The following BRF1 variants were observed in gnomAD, a reference collection of about 807,000 sequenced individuals.
The protein encoded by BRF1 is BRF1 general transcription factor IIIB subunit, also known as transcription factor IIIB 90 kDa subunit.
A neutral mutation model predicts 81.7 loss-of-function variants in BRF1; 59 were observed. The ratio of observed to expected loss-of-function variants is 0.72; its 90% CI spans 0.59 to 0.90. The LOEUF (loss-of-function observed/expected upper bound fraction) is 0.90. Ranked by LOEUF, BRF1 falls within the 40% of genes least tolerant of loss-of-function variation. The pLI is 0.00. For missense variants in BRF1, 1,050 were observed against 936.3 expected (o/e 1.12, Z -1.58); for synonymous variants, 491 against 395.6 (o/e 1.24, Z -2.86).
chr14:105,259,154 CAG>C (rs2056034739), intron 3 of BRF1, among the ~76,000 whole-genome samples: 1 of 151,986 alleles, frequency 6.6e-6, no homozygotes, highest in Non-Finnish European at 1.5e-5. Context: ...GAAATAAAAA[CAG>C]ATGTCAGCCA....
upstream of BRF1, among the ~76,000 whole-genome samples, chr14:105,305,504 A>C (rs1432361325): frequency 6.6e-6 from 1 of 152,220 alleles, no homozygotes; most frequent in Non-Finnish European, 1.5e-5. Context: ...TCTATGAACC[A>C]GGAAGTGGCC....
intron 1 of BRF1, among the ~76,000 whole-genome samples, chr14:105,311,099 C>T (rs1022110625): frequency 6.6e-6 from 1 of 152,064 alleles, no homozygotes; most frequent in African/African-American, 2.4e-5. Flanking sequence ...ATTACAGGCG[C>T]GCACCATCAT....
At chr14:105,306,911 G>A (rs889467551) in intron 1 of BRF1, among the ~76,000 whole-genome samples, 1 of 151,586 alleles carries the variant, frequency 6.6e-6, no homozygotes, top group East Asian at 1.9e-4. Flanking sequence ...AAGCCCCATC[G>A]TGTTCTCATC....
chr14:105,249,146 T>C (rs1227400367), intron 5 of BRF1: 3 of 1,564,888 alleles, frequency 1.9e-6, no homozygotes, highest in Admixed American at 3.6e-5. Flanking sequence ...CCCGTGCCTC[T>C]ACCTTTGCAG....
chr14:105,256,517 C>T lies in BRF1; in HGVS notation c.471+1G>A. ...AAAGATGCAGGACGGAGGCTGTCTA[C>T]CTGGAGCAGGTCGCTGAGGTCCAGG... On this transcript the variant is annotated splice_donor_variant, in intron 4 of 17. Transcript: ENST00000547530. LOFTEE classifies it high-confidence loss of function. The T allele has an allele frequency of 6.2e-7, 1 of 1,614,116 alleles. No individual in the cohort carries two copies. The highest frequency in any genetic ancestry group is 8.5e-7 in the Non-Finnish European group (1 of 1,180,036).
At chr14:105,247,553 C>T in intron 5 of BRF1, 1 of 985,432 alleles carries the variant, frequency 1.0e-6, no homozygotes, top group Middle Eastern at 5.2e-4. Context: ...GAAGAGGACT[C>T]TCCCAGGGAA....
chr14:105,221,418 G>A lies in BRF1; in HGVS notation c.1315+230C>T, dbSNP rs1892267652. Reference sequence around the variant, plus strand: ...TGAAGGCGGTCCCAGTGAGGGTGACGAGACTCACTGCATTCTGGCGTCGGC... The same window carrying A: ...TGAAGGCGGTCCCAGTGAGGGTGACAAGACTCACTGCATTCTGGCGTCGGC... On this transcript the variant is annotated intron_variant, in intron 11 of 17. Transcript: ENST00000547530. Among the ~76,000 whole-genome samples the A allele has an allele frequency of 5.3e-5, 8 of 152,334 alleles. 1 individual carries two copies. In the South Asian group the frequency reaches 1.7e-3, roughly 32 times the overall value.
chr14:105,292,279 G>C (rs968365071), intron 1 of BRF1, among the ~76,000 whole-genome samples: 2 of 152,020 alleles, frequency 1.3e-5, no homozygotes, highest in African/African-American at 4.8e-5. Context: ...CACCTCCCGG[G>C]TTCAAGCGAT....
At chr14:105,283,813 T>C (rs982266910) in intron 2 of BRF1, among the ~76,000 whole-genome samples, 1 of 151,996 alleles carries the variant, frequency 6.6e-6, no homozygotes, top group African/African-American at 2.4e-5. Context: ...ATGGAGAAAA[T>C]CTTGAAGTCA....
At chr14:105,311,885 T>C (rs2058359455) in intron 1 of BRF1, among the ~76,000 whole-genome samples, 1 of 152,204 alleles carries the variant, frequency 6.6e-6, no homozygotes, top group African/African-American at 2.4e-5. Context: ...TGGGAGTGGA[T>C]GCGGCAGGGC....
At chr14:105,260,129 A>T (rs1182305520) in intron 3 of BRF1, among the ~76,000 whole-genome samples, 1 of 152,156 alleles carries the variant, frequency 6.6e-6, no homozygotes, top group African/African-American at 2.4e-5. Flanking sequence ...TGGAGCAATT[A>T]GGGCCTGTGC....
intron 3 of BRF1, among the ~76,000 whole-genome samples, chr14:105,272,408 G>A (rs1485474655): frequency 6.6e-6 from 1 of 152,360 alleles, no homozygotes; most frequent in East Asian, 1.9e-4. Flanking sequence ...CGTGGAGACA[G>A]CACCCAAGGC....
intron 1 of BRF1, among the ~76,000 whole-genome samples, chr14:105,298,672 G>A (rs1322081859): frequency 2.0e-5 from 3 of 151,458 alleles, no homozygotes; most frequent in Non-Finnish European, 2.9e-5. Flanking sequence ...CTGACGAACA[G>A]GGTGAAACCC....
At chr14:105,250,630 G>A in intron 5 of BRF1, 2 of 1,613,556 alleles carry the variant, frequency 1.2e-6, no homozygotes, top group East Asian at 4.5e-5. Context: ...ACGGGACTGG[G>A]GTCCAGGGTG....
chr14:105,241,320 C>T lies in BRF1; in HGVS notation c.639G>A (p.Arg213=). ...VSMTALRLLQ[R]MKRDWMHTGR... Reference sequence around the variant, plus strand: ...CTGTGTGCATCCAGTCCCGCTTCATCCTCTGTAGGAGCCTCAGGGCAGTCA... The same window carrying T: ...CTGTGTGCATCCAGTCCCGCTTCATTCTCTGTAGGAGCCTCAGGGCAGTCA... Residue 213 remains arginine, a synonymous_variant, in exon 6 of 18, where the codon AGG becomes AGA. Coordinates refer to ENST00000547530, the MANE Select transcript of BRF1 (RefSeq NM_001519.4). 1 of 1,612,756 alleles carries T rather than the reference C, an allele frequency of 6.2e-7. No individual in the cohort carries two copies. The highest frequency in any genetic ancestry group is 1.1e-5 in the South Asian group (1 of 91,086).
chr14:105,210,643 G>T lies in BRF1; in HGVS notation c.1997-55C>A. ...GGTCTCTGTGGGACCCAGGAGCCCA[G>T]ACCCCCCAACCCGCCCTGTTCCTGG... On this transcript the variant is annotated intron_variant, in intron 17 of 17. Coordinates refer to ENST00000547530, the MANE Select transcript of BRF1 (RefSeq NM_001519.4). This position sits in a 1 kb window ranked among gnomAD's most constrained non-coding sequence, Gnocchi z 4.7. 5 of 1,596,598 alleles carry T rather than the reference G, an allele frequency of 3.1e-6. No homozygotes were observed. The highest frequency in any genetic ancestry group is 4.3e-6 in the Non-Finnish European group (5 of 1,172,112).
At position 105,248,401 on chromosome 14, in the gene BRF1, G is replaced by T; in HGVS notation, c.544+4106C>A. On this transcript the variant is annotated intron_variant, in intron 5 of 17. Transcript: ENST00000547530. ...CGGCCGCCTGCCAGCGCCGGGAGCC[G>T]CCTTCCACGGCTACCTCTGCACAGC... The T allele has an allele frequency of 4.1e-6, 4 of 985,392 alleles. No individual in the cohort carries two copies. In the South Asian group the frequency reaches 1.9e-4, roughly 46 times the overall value. The allele number at this position is 985,392 out of a possible 1,614,324, so 61.0% of individuals were successfully genotyped here.
At chr14:105,249,567 ACTCCT>A in intron 5 of BRF1, 1 of 1,585,328 alleles carries the variant, frequency 6.3e-7, no homozygotes. Flanking sequence ...GAGCTGATGG[ACTCCT>A]CTCCCAGGCC....
chr14:105,211,090 T>C, intron 17 of BRF1, 32 bp downstream of exon 17: 1 of 1,609,850 alleles, frequency 6.2e-7, no homozygotes, highest in Non-Finnish European at 8.5e-7. Context: ...TTATTTCCCT[T>C]GAACCCCTCC....
Sources: allele counts gnomAD v4.1 joint callset (sites outside exome capture counted in the v4.1 genomes callset), GRCh38; gene constraint gnomAD v4.1.1; non-coding constraint Gnocchi (gnomAD v3.1); transcripts MANE v1.5; gene names NCBI Gene and HGNC (gene_info 2026-07-23, HGNC 2026-07-21).